BCKDK: variants seen among roughly 807,000 people sequenced by gnomAD.
BCKDK encodes the protein branched-chain alpha-ketoacid dehydrogenase kinase.
BCKDK carries 28 observed loss-of-function variants against 43.9 expected under a neutral mutation model. The ratio of observed to expected loss-of-function variants is 0.64; its 90% CI spans 0.47 to 0.87. The LOEUF (loss-of-function observed/expected upper bound fraction) is 0.87, where lower values mean the gene tolerates loss of function less well. Among genes scored for constraint, BCKDK ranks in the 40% least tolerant of loss-of-function variants. The pLI, the probability that BCKDK is intolerant of heterozygous loss-of-function variation, is 0.00. For missense variants in BCKDK, 483 were observed against 581.4 expected (o/e 0.83, Z 1.74); for synonymous variants, 257 against 234.3 (o/e 1.10, Z -0.88).
downstream of BCKDK, chr16:31,117,381 T>TAAATAAAC (rs1368743995): frequency 1.2e-5 from 2 of 171,942 alleles, no homozygotes; most frequent in African/African-American, 4.8e-5. Context: ...AATAAATAAA[T>TAAATAAAC]AAATAAATAA....
In BCKDK at chr16:31,109,271, G is replaced by T; in HGVS notation, c.48G>T (p.Pro16=). Residue 16 remains proline (P), a synonymous_variant, in exon 2 of 12, where the codon CCG becomes CCT. Transcript: ENST00000219794. The surrounding 1 kb of genome is among the most constrained non-coding windows in gnomAD (Gnocchi z 5.3). The part of the protein sequence containing the change: ...VLRSGPGGGL[P]LRPLLGPALA... Reference sequence around the variant, plus strand: ...GGAGCGGTCCCGGGGGCGGGCTTCCGCTCCGGCCCCTCCTGGGACCCGCAC... The same window carrying T: ...GGAGCGGTCCCGGGGGCGGGCTTCCTCTCCGGCCCCTCCTGGGACCCGCAC... The T allele has an allele frequency of 6.3e-7, 1 of 1,579,456 alleles. No homozygotes were observed. The highest frequency in any genetic ancestry group is 1.1e-5 in the South Asian group (1 of 88,010).
At position 31,112,265 on chromosome 16, in the gene BCKDK, A is replaced by G; in HGVS notation, c.1239A>G (p.Ter413TrpextTer73). ...GCCGGGAGGAAAGCTTCCGGATCTGACCCCACAGCCTTTGGCCTGCTCACC... is the reference window on the plus strand; with the variant it reads ...GCCGGGAGGAAAGCTTCCGGATCTGGCCCCACAGCCTTTGGCCTGCTCACC... ...IDGREESFRI[*>W] is the part of the protein sequence containing the mutation. Residue 413 changes from the stop codon to tryptophan, a stop_lost, in exon 12 of 12, where the codon TGA (stop) becomes TGG (tryptophan). Coordinates refer to ENST00000219794, the MANE Select transcript of BCKDK (RefSeq NM_005881.4). This position sits in a 1 kb window ranked among gnomAD's most constrained non-coding sequence, Gnocchi z 5.0. 6.2e-7 allele frequency: 1 copy of G among 1,607,644 alleles called. No homozygotes were observed. The highest frequency in any genetic ancestry group is 8.5e-7 in the Non-Finnish European group (1 of 1,179,886).
At chr16:31,113,016 G>A (rs2057426813), downstream of BCKDK, among the ~76,000 whole-genome samples, 1 of 152,214 alleles carries the variant, frequency 6.6e-6, no homozygotes, top group Non-Finnish European at 1.5e-5. Flanking sequence ...GCAGGCCCTA[G>A]CAGGGACTGG....
At chr16:31,114,358 G>A (rs1321901696), downstream of BCKDK, among the ~76,000 whole-genome samples, 3 of 138,056 alleles carry the variant, frequency 2.2e-5, no homozygotes, top group South Asian at 2.5e-4. Flanking sequence ...GATTACAGGC[G>A]CGTGCCACCA....
At chr16:31,117,595 A>G (rs2057456446), downstream of BCKDK, 4 of 1,144,080 alleles carry the variant, frequency 3.5e-6, no homozygotes, top group Non-Finnish European at 2.3e-6. Context: ...CCGCCCTCAA[A>G]CCTTGAGGAG....
In BCKDK at chr16:31,111,372, T is replaced by C. The variant is rs1318777815; in HGVS notation, c.918T>C (p.Asp306=). The change falls in exon 10 of 12, where the codon GAT becomes GAC. Residue 306 remains aspartate, a synonymous_variant. Transcript: ENST00000219794. ...PDVVITIANN[D]VDLIIRISDR... ...TGGTCATCACCATCGCCAACAATGA[T>C]GTCGATCTGATCATCAGGTTTGCCC... The C allele has an allele frequency of 1.2e-6, 2 of 1,614,152 alleles. No individual in the cohort carries two copies. Among genetic ancestry groups the C allele is most frequent in the Non-Finnish European group, 1.7e-6 (2 of 1,179,986 alleles).
chr16:31,112,298 C>T lies in BCKDK; in HGVS notation c.*33C>T. Reference sequence around the variant, plus strand: ...GCCTTTGGCCTGCTCACCCGACCAGCCTGGGCCGCATTCCCTGCAGGACCT... The same window carrying T: ...GCCTTTGGCCTGCTCACCCGACCAGTCTGGGCCGCATTCCCTGCAGGACCT... On this transcript the variant is annotated 3_prime_UTR_variant, in exon 12 of 12. Transcript: ENST00000219794. This position sits in a 1 kb window ranked among gnomAD's most constrained non-coding sequence, Gnocchi z 5.0. 6.2e-7 allele frequency: 1 copy of T among 1,603,396 alleles called. No individual in the cohort carries two copies. Among genetic ancestry groups the T allele is most frequent in the East Asian group, 2.2e-5 (1 of 44,864 alleles).
In BCKDK at chr16:31,110,279, G is replaced by A; in HGVS notation, c.498G>A (p.Val166=). Residue 166 remains valine, a synonymous_variant, in exon 6 of 12, where the codon GTG becomes GTA. Coordinates refer to ENST00000219794, the MANE Select transcript of BCKDK (RefSeq NM_005881.4). The surrounding 1 kb of genome is among the most constrained non-coding windows in gnomAD (Gnocchi z 5.4). ...TGCTGGATGACCACAAGGATGTGGTGACCCTCTTGGCAGAGGGCCTACGTG... is the reference window on the plus strand; with the variant it reads ...TGCTGGATGACCACAAGGATGTGGTAACCCTCTTGGCAGAGGGCCTACGTG... The part of the protein sequence containing the change: ...RQLLDDHKDV[V]TLLAEGLRES... The A allele has an allele frequency of 2.5e-6, 4 of 1,614,022 alleles. No individual in the cohort carries two copies. Among genetic ancestry groups the A allele is most frequent in the Non-Finnish European group, 3.4e-6 (4 of 1,180,008 alleles).
At chr16:31,114,775 C>T (rs1044198866), downstream of BCKDK, among the ~76,000 whole-genome samples, 2 of 152,170 alleles carry the variant, frequency 1.3e-5, no homozygotes, top group African/African-American at 2.4e-5. Flanking sequence ...GTTCCAGGAC[C>T]GCCTGTGAAT....
At position 31,110,807 on chromosome 16, in the gene BCKDK, G is replaced by A; in HGVS notation, c.716+46G>A. Reference sequence around the variant, plus strand: ...GGGGTGGGCAGACATCTGGGGCAGGGAAGGCTTGGGTCTGAGCCCTTGCCC... The same window carrying A: ...GGGGTGGGCAGACATCTGGGGCAGGAAAGGCTTGGGTCTGAGCCCTTGCCC... On this transcript the variant is annotated intron_variant, in intron 8 of 11. Coordinates refer to ENST00000219794, the MANE Select transcript of BCKDK (RefSeq NM_005881.4). This position sits in a 1 kb window ranked among gnomAD's most constrained non-coding sequence, Gnocchi z 5.4. 1.3e-6 allele frequency: 2 copies of A among 1,591,492 alleles called. No homozygotes were observed. The highest frequency in any genetic ancestry group is 8.6e-7 in the Non-Finnish European group (1 of 1,159,588).
Position 31,108,858 on chromosome 16 carries a change from G to C in BCKDK, c.-177-189G>C, listed in dbSNP as rs1239360549. ...CGACAGCCCTCCCACCGCCAGTAGA[G>C]CCTCGGGTTGGGGAATAGAAGCCCC... On this transcript the variant is annotated intron_variant, in intron 1 of 11. Transcript: ENST00000219794. This position sits in a 1 kb window ranked among gnomAD's most constrained non-coding sequence, Gnocchi z 6.2. 5.9e-6 allele frequency: 1 copy of C among 170,418 alleles called. No individual in the cohort carries two copies. The highest frequency in any genetic ancestry group is 1.2e-5 in the Non-Finnish European group (1 of 80,246). 10.6% of individuals were successfully genotyped at this position (170,418 alleles called of 1,614,324 possible).
At position 31,112,040 on chromosome 16, in the gene BCKDK, C is replaced by T. The variant is rs1200217087; in HGVS notation, c.1094+13C>T. ...GACCCATGCACGGGTGAGACCCTGCCAGGCCAGGATGGAGGGGTGGGGGAC... is the reference window on the plus strand; with the variant it reads ...GACCCATGCACGGGTGAGACCCTGCTAGGCCAGGATGGAGGGGTGGGGGAC... On this transcript the variant is annotated intron_variant, in intron 11 of 11. Transcript: ENST00000219794. This position sits in a 1 kb window ranked among gnomAD's most constrained non-coding sequence, Gnocchi z 5.0. 1.9e-6 allele frequency: 3 copies of T among 1,613,690 alleles called. No individual in the cohort carries two copies. Among genetic ancestry groups the T allele is most frequent in the African/African-American group, 1.3e-5 (1 of 74,930 alleles).
At position 31,109,246 on chromosome 16, in the gene BCKDK, G is replaced by T; in HGVS notation, c.23G>T (p.Arg8Met). 6.5e-7 allele frequency: 1 copy of T among 1,533,790 alleles called. No homozygotes were observed. Reference sequence around the variant, plus strand: ...ACGATGATCCTGGCGTCGGTGCTGAGGAGCGGTCCCGGGGGCGGGCTTCCG... The same window carrying T: ...ACGATGATCCTGGCGTCGGTGCTGATGAGCGGTCCCGGGGGCGGGCTTCCG... MILASVL[R>M]SGPGGGLPLR... The change falls in exon 2 of 12, where the codon AGG becomes ATG. Residue 8 changes from arginine to methionine, a missense_variant. Coordinates refer to ENST00000219794, the MANE Select transcript of BCKDK (RefSeq NM_005881.4). The surrounding 1 kb of genome is among the most constrained non-coding windows in gnomAD (Gnocchi z 5.3).
rs1473964062 is a variant in BCKDK, at chr16:31,109,526, A to AC, written c.212dup (p.Pro72AlafsTer56). 1 of 1,614,024 alleles carries AC rather than the reference A, an allele frequency of 6.2e-7. No individual in the cohort carries two copies. Among genetic ancestry groups the AC allele is most frequent in the Non-Finnish European group, 8.5e-7 (1 of 1,180,000 alleles). ...CCCTCTCTAGCCCTCAGTCCGCCTA[A>AC]CGCCCACCATGATGCTCTACGCTGG... On this transcript the variant is annotated frameshift_variant, in exon 3 of 12. Transcript: ENST00000219794. LOFTEE classifies it high-confidence loss of function. The surrounding 1 kb of genome is among the most constrained non-coding windows in gnomAD (Gnocchi z 5.3).
Position 31,110,021 on chromosome 16 carries a change from T to C in BCKDK, c.376-56T>C. On this transcript the variant is annotated intron_variant, in intron 4 of 11. Transcript: ENST00000219794. The surrounding 1 kb of genome is among the most constrained non-coding windows in gnomAD (Gnocchi z 5.4). ...ATCCCCATGGGTAGGTGGGGGTGGCTGTTCTCTGCTCAGTGCCCATGCGGC... is the reference window on the plus strand; with the variant it reads ...ATCCCCATGGGTAGGTGGGGGTGGCCGTTCTCTGCTCAGTGCCCATGCGGC... The C allele has an allele frequency of 6.2e-7, 1 of 1,611,296 alleles. No homozygotes were observed. The highest frequency in any genetic ancestry group is 8.5e-7 in the Non-Finnish European group (1 of 1,177,676).
At chr16:31,113,167 G>A (rs1039341378), downstream of BCKDK, among the ~76,000 whole-genome samples, 5 of 152,332 alleles carry the variant, frequency 3.3e-5, no homozygotes, top group South Asian at 6.2e-4. Flanking sequence ...ACCTTGCCAG[G>A]GAAGAAAGGC....
Position 31,110,636 on chromosome 16 carries a change from C to T in BCKDK, c.643-52C>T. 1 of 1,603,662 alleles carries T rather than the reference C, an allele frequency of 6.2e-7. No individual in the cohort carries two copies. Among genetic ancestry groups the T allele is most frequent in the South Asian group, 1.1e-5 (1 of 90,830 alleles). On this transcript the variant is annotated intron_variant, in intron 7 of 11. Transcript: ENST00000219794. This position sits in a 1 kb window ranked among gnomAD's most constrained non-coding sequence, Gnocchi z 5.4. ...GGGGCAGTTCCGAAGTTGCCAGCAT[C>T]TTGGGGTGGGGCTAGGGGCGTGGGT...
Position 31,111,409 on chromosome 16 carries a change from T to G in BCKDK, c.935+20T>G. ...CATCAGGTTTGCCCTGAGTGGGAGT[T>G]GAGCTGAGGTGGATGGGATGGGGGT... is the stretch of plus-strand genomic sequence containing the variant. On this transcript the variant is annotated intron_variant, in intron 10 of 11. Coordinates refer to ENST00000219794, the MANE Select transcript of BCKDK (RefSeq NM_005881.4). The G allele has an allele frequency of 1.2e-6, 2 of 1,610,074 alleles. No individual in the cohort carries two copies. The highest frequency in any genetic ancestry group is 1.7e-6 in the Non-Finnish European group (2 of 1,176,438).
downstream of BCKDK, among the ~76,000 whole-genome samples, chr16:31,116,693 G>T (rs1249978616): frequency 6.7e-6 from 1 of 149,970 alleles, no homozygotes; most frequent in Non-Finnish European, 1.5e-5. Context: ...GAGGCGGGCG[G>T]ATCACCTGAG....
Sources: allele counts gnomAD v4.1 joint callset (sites outside exome capture counted in the v4.1 genomes callset), GRCh38; gene constraint gnomAD v4.1.1; non-coding constraint Gnocchi (gnomAD v3.1); transcripts MANE v1.5; gene names NCBI Gene and HGNC (gene_info 2026-07-23, HGNC 2026-07-21).